TMEM181: variants seen among roughly 807,000 people sequenced by gnomAD.
TMEM181 encodes the protein transmembrane protein 181, also known as G protein-coupled receptor 178.
In TMEM181, 39 loss-of-function variants were observed where a neutral mutation model predicts 71.9. The observed-to-expected ratio is 0.54, with a 90% confidence interval of 0.42 to 0.71. The LOEUF is 0.71. Ranked by LOEUF, TMEM181 falls within the 30% of genes least tolerant of loss-of-function variation. TMEM181 has a pLI of 0.00. For synonymous variants in TMEM181, 245 were observed against 228.8 expected (o/e 1.07, Z -0.64); for missense variants, 595 against 583.0 (o/e 1.02, Z -0.21).
chr6:158,592,542 G>A (rs1379402919), intron 6 of TMEM181, among the ~76,000 whole-genome samples: 2 of 151,768 alleles, frequency 1.3e-5, no homozygotes, highest in African/African-American at 4.8e-5. Flanking sequence ...GCGCGATCAC[G>A]GCTTACTGTA....
chr6:158,545,995 G>T (rs1173599730), intron 1 of TMEM181, among the ~76,000 whole-genome samples: 1 of 152,190 alleles, frequency 6.6e-6, no homozygotes, highest in Non-Finnish European at 1.5e-5. Context: ...AGTTTTGCTC[G>T]TAAGTGAAGA....
At chr6:158,621,771 C>G (rs1461528209) in intron 10 of TMEM181, 1 of 152,358 alleles carries the variant, frequency 6.6e-6, no homozygotes, top group Non-Finnish European at 1.5e-5. Flanking sequence ...CAGTGTGCTT[C>G]TGAGATCACC....
rs1786719776 is a variant in TMEM181, at chr6:158,632,519, AGTGTGG to A, written c.*632_*637del. On this transcript the variant is annotated 3_prime_UTR_variant, in exon 17 of 17. Transcript: ENST00000684151. The stretch of plus-strand genomic sequence containing the variant: ...TTCACGTCACCAAAGGGGAAGTAAT[AGTGTGG>A]AGTTCTGAGGAGGGTTTGATAAGTT... 2 of 153,040 alleles carry A rather than the reference AGTGTGG, an allele frequency of 1.3e-5. No homozygotes were observed. Among genetic ancestry groups the A allele is most frequent in the East Asian group, 3.8e-4 (2 of 5,202 alleles). The allele number at this position is 153,040 out of a possible 1,614,324, so 9.5% of individuals were successfully genotyped here. A position where few individuals can be genotyped will look rare whatever the true frequency, so the allele number is the denominator to read the frequency against.
chr6:158,594,301 G>T lies in TMEM181; in HGVS notation c.492+4519G>T, dbSNP rs535271514. Among the ~76,000 whole-genome samples the T allele has an allele frequency of 1.1e-4, 17 of 152,036 alleles. No homozygotes were observed. The East Asian group carries it at 3.3e-3, about 30-fold the overall frequency. On this transcript the variant is annotated intron_variant, in intron 6 of 16. Transcript: ENST00000684151. ...TTTAGTAGAGACGGGGTTTCACCATGTTGGCCAGGCTGGTCTCGAACTCCT... is the reference window on the plus strand; with the variant it reads ...TTTAGTAGAGACGGGGTTTCACCATTTTGGCCAGGCTGGTCTCGAACTCCT...
chr6:158,590,552 C>G (rs148118033), intron 6 of TMEM181, among the ~76,000 whole-genome samples: 1 of 152,252 alleles, frequency 6.6e-6, no homozygotes, highest in South Asian at 2.1e-4. Flanking sequence ...CAACCTCCGC[C>G]TCCCGGGTTC....
At chr6:158,626,960 A>ACT (rs1163677954) in intron 13 of TMEM181, among the ~76,000 whole-genome samples, 1 of 68,088 alleles carries the variant, frequency 1.5e-5, no homozygotes, top group East Asian at 6.0e-4. Context: ...ACCCTCACTC[A>ACT]CACCCTCTCA....
At chr6:158,555,475 C>T, upstream of TMEM181, among the ~76,000 whole-genome samples, 1 of 152,102 alleles carries the variant, frequency 6.6e-6, no homozygotes, top group Admixed American at 6.5e-5. Flanking sequence ...AGTTTTATCT[C>T]AACTCCAGTA....
At chr6:158,569,360 G>A (rs1782679756) in intron 1 of TMEM181, among the ~76,000 whole-genome samples, 1 of 152,304 alleles carries the variant, frequency 6.6e-6, no homozygotes, top group East Asian at 1.9e-4. Flanking sequence ...TCTCACCCAC[G>A]AGCCTGTTGC....
chr6:158,629,624 C>A, intron 14 of TMEM181, 106 bp from the exon 15 acceptor site: 1 of 953,070 alleles, frequency 1.0e-6, no homozygotes, highest in Non-Finnish European at 1.6e-6. Context: ...CTGGCGGGTG[C>A]TTGGCACTAG....
intron 11 of TMEM181, among the ~76,000 whole-genome samples, chr6:158,624,430 T>C (rs1786151588): frequency 1.3e-5 from 2 of 152,112 alleles, no homozygotes; most frequent in African/African-American, 4.8e-5. Context: ...AGGAAAGGGG[T>C]GGGGGGATGG....
intron 6 of TMEM181, among the ~76,000 whole-genome samples, chr6:158,602,721 C>T (rs1439910854): frequency 4.0e-5 from 6 of 151,668 alleles, no homozygotes; most frequent in Admixed American, 6.6e-5. Context: ...TGAATACAGG[C>T]GCACGCCACC....
chr6:158,544,138 T>C (rs937813589), intron 1 of TMEM181, among the ~76,000 whole-genome samples: 3 of 150,850 alleles, frequency 2.0e-5, no homozygotes, highest in African/African-American at 7.3e-5. Flanking sequence ...ACCTTCACTG[T>C]GTCACCTGAG....
chr6:158,542,102 T>A lies in TMEM181; in HGVS notation c.131+5237T>A, dbSNP rs570764737. On this transcript the variant is annotated intron_variant, in intron 1 of 16. Transcript: ENST00000367090. ...TGTTTTTTTTAGTAGAGATGGGGCT[T>A]CATCATGATGCCCAGGCTGGTCTCG... Among the ~76,000 whole-genome samples the A allele has an allele frequency of 2.0e-5, 3 of 152,056 alleles. No homozygotes were observed. The East Asian group carries it at 5.8e-4, about 30-fold the overall frequency.
intron 1 of TMEM181, chr6:158,537,012 T>G: frequency 3.5e-6 from 1 of 281,970 alleles, no homozygotes; most frequent in Non-Finnish European, 5.4e-6. Flanking sequence ...GGGGACGGGG[T>G]CGGGGCGGGG....
At chr6:158,599,122 CGTTT>C (rs1373490256) in intron 6 of TMEM181, among the ~76,000 whole-genome samples, 2 of 152,132 alleles carry the variant, frequency 1.3e-5, no homozygotes, top group Non-Finnish European at 2.9e-5. Context: ...TGTGAGGAAA[CGTTT>C]GTTCTGTGCC....
intron 1 of TMEM181, among the ~76,000 whole-genome samples, chr6:158,544,800 T>G (rs1781471720): frequency 6.6e-6 from 1 of 152,174 alleles, no homozygotes; most frequent in Admixed American, 6.5e-5. Context: ...CCTGCTCTTT[T>G]TATAACAGGG....
chr6:158,629,839 G>A lies in TMEM181; in HGVS notation c.1282+20G>A. The stretch of plus-strand genomic sequence containing the variant: ...TCTATGGTAAGCCACCCTGGGGTCT[G>A]GACTGCTGGCCAGTTAGCGGGCACA... On this transcript the variant is annotated intron_variant, in intron 15 of 16. Coordinates refer to ENST00000684151, the MANE Select transcript of TMEM181 (RefSeq NM_001376852.1). 6.2e-7 allele frequency: 1 copy of A among 1,603,722 alleles called. No individual in the cohort carries two copies. The highest frequency in any genetic ancestry group is 8.5e-7 in the Non-Finnish European group (1 of 1,170,566).
intron 5 of TMEM181, among the ~76,000 whole-genome samples, chr6:158,585,795 G>A (rs114223807): frequency 1.4e-3 from 212 of 152,236 alleles, no homozygotes; most frequent in African/African-American, 4.7e-3. Flanking sequence ...TCATACGAAC[G>A]TCTGCCACAG....
chr6:158,588,676 A>C (rs761982449), intron 5 of TMEM181, among the ~76,000 whole-genome samples: 6 of 152,176 alleles, frequency 3.9e-5, no homozygotes, highest in Non-Finnish European at 8.8e-5. Flanking sequence ...GTCTTGAACT[A>C]GCCTCAAGTG....
Sources: gnomAD v4.1 joint callset for allele counts (sites outside exome capture counted in the v4.1 genomes callset) on GRCh38, gnomAD v4.1.1 for gene constraint, MANE v1.5 for transcripts, NCBI Gene and HGNC (gene_info 2026-07-23, HGNC 2026-07-21) for gene names.